Variants in TRAPPC9 observed in about 807,000 individuals in gnomAD.
TRAPPC9 encodes the protein trafficking protein particle complex subunit 9.
TRAPPC9 carries 83 observed loss-of-function variants against 124.0 expected under a neutral mutation model. The observed-to-expected ratio is 0.67, with a 90% CI of 0.56 to 0.80. The LOEUF (loss-of-function observed/expected upper bound fraction) is 0.80, where lower values mean the gene tolerates loss of function less well. TRAPPC9 is among the 30% of genes least tolerant of loss of function. The probability of loss-of-function intolerance (pLI) is 0.00; values close to 1 mark genes in which losing one functional copy is unlikely to be tolerated. For missense variants in TRAPPC9, 1,302 were observed against 1,508.3 expected (o/e 0.86, Z 2.27); for synonymous variants, 638 against 617.5 (o/e 1.03, Z -0.49).
intron 19 of TRAPPC9, among the ~76,000 whole-genome samples, chr8:139,956,452 C>T (rs986501136): frequency 8.5e-5 from 13 of 152,164 alleles, no homozygotes; most frequent in South Asian, 6.2e-4. Context: ...TGAGCCACCG[C>T]GCCCGGCCCA....
At chr8:140,153,936 C>T (rs991151646) in intron 17 of TRAPPC9, among the ~76,000 whole-genome samples, 8 of 152,116 alleles carry the variant, frequency 5.3e-5, no homozygotes, top group African/African-American at 1.7e-4. Context: ...TATGTGACAC[C>T]GTCTGCCTCA....
intron 19 of TRAPPC9, among the ~76,000 whole-genome samples, chr8:139,974,374 G>C (rs1157855567): frequency 6.6e-6 from 1 of 152,204 alleles, no homozygotes; most frequent in African/African-American, 2.4e-5. Context: ...TTCTTCCTGA[G>C]CTAACCCAAC....
chr8:140,269,063 G>T (rs1380326991), intron 15 of TRAPPC9, among the ~76,000 whole-genome samples: 4 of 152,038 alleles, frequency 2.6e-5, no homozygotes, highest in Non-Finnish European at 5.9e-5. Context: ...TCCTGATAAG[G>T]GTTTGCGTTA....
intron 21 of TRAPPC9, among the ~76,000 whole-genome samples, chr8:139,736,049 G>T (rs1818144281): frequency 6.6e-6 from 1 of 152,190 alleles, no homozygotes; most frequent in South Asian, 2.1e-4. Flanking sequence ...GACAACTGGT[G>T]CCCCCTCCAT....
At chr8:140,008,024 T>G (rs1276771047) in intron 18 of TRAPPC9, among the ~76,000 whole-genome samples, 1 of 152,148 alleles carries the variant, frequency 6.6e-6, no homozygotes, top group Admixed American at 6.5e-5. Flanking sequence ...TCAGTCCAGA[T>G]AGAATGTCAA....
intron 21 of TRAPPC9, among the ~76,000 whole-genome samples, chr8:139,778,453 A>G (rs1373624021): frequency 6.6e-6 from 1 of 152,230 alleles, no homozygotes; most frequent in Non-Finnish European, 1.5e-5. Flanking sequence ...ATGACTCACA[A>G]TGAGGAGTAA....
intron 19 of TRAPPC9, among the ~76,000 whole-genome samples, chr8:139,967,535 C>G (rs541480318): frequency 6.6e-6 from 1 of 152,274 alleles, no homozygotes; most frequent in African/African-American, 2.4e-5. Flanking sequence ...AAAGGGGGCT[C>G]CCAGTGGAGA....
At chr8:140,322,374 C>G (rs1265750506) in intron 9 of TRAPPC9, among the ~76,000 whole-genome samples, 1 of 152,172 alleles carries the variant, frequency 6.6e-6, no homozygotes, top group Non-Finnish European at 1.5e-5. Flanking sequence ...CAATGCCCCA[C>G]CCCCCTGGTG....
intron 9 of TRAPPC9, among the ~76,000 whole-genome samples, chr8:140,334,353 T>C (rs1255244011): frequency 6.6e-6 from 1 of 152,126 alleles, no homozygotes; most frequent in East Asian, 1.9e-4. Context: ...CAATGTGAAA[T>C]TAAATCAGTT....
intron 9 of TRAPPC9, among the ~76,000 whole-genome samples, chr8:140,323,519 G>C (rs1588150461): frequency 2.6e-5 from 4 of 152,210 alleles, no homozygotes; most frequent in Admixed American, 2.6e-4. Flanking sequence ...ACTATCTTCA[G>C]ATAGACGGTA....
At chr8:140,207,002 G>C (rs1314968679) in intron 17 of TRAPPC9, among the ~76,000 whole-genome samples, 1 of 152,076 alleles carries the variant, frequency 6.6e-6, no homozygotes, top group African/African-American at 2.4e-5. Context: ...AGTCTAGTGG[G>C]GTGACAGACA....
At chr8:140,152,152 C>T (rs1436514101) in intron 17 of TRAPPC9, among the ~76,000 whole-genome samples, 1 of 149,598 alleles carries the variant, frequency 6.7e-6, no homozygotes, top group East Asian at 2.0e-4. Context: ...AAAAAAGCCT[C>T]GGACAGCATA....
intron 19 of TRAPPC9, chr8:139,932,717 T>C (rs983911904): frequency 2.7e-6 from 1 of 366,302 alleles, no homozygotes; most frequent in Non-Finnish European, 5.4e-6. Context: ...TGAGCCGAGA[T>C]GGTACCTCTG....
chr8:140,438,938 C>T (rs2070914116), intron 3 of TRAPPC9, 114 bp downstream of exon 3: 1 of 1,353,462 alleles, frequency 7.4e-7, no homozygotes, highest in South Asian at 1.2e-5. Flanking sequence ...ATTTGGCCTG[C>T]CGTAGCCTCC....
chr8:140,242,759 T>A (rs1005662490), intron 16 of TRAPPC9, among the ~76,000 whole-genome samples: 4 of 152,186 alleles, frequency 2.6e-5, no homozygotes, highest in Non-Finnish European at 5.9e-5. Context: ...TAGCTGGGGA[T>A]GCAGCAGTGA....
intron 21 of TRAPPC9, among the ~76,000 whole-genome samples, chr8:139,848,688 C>T (rs1200904353): frequency 6.6e-6 from 1 of 152,076 alleles, no homozygotes; most frequent in Non-Finnish European, 1.5e-5. Context: ...GAAATAGAAG[C>T]CTATATACTT....
At chr8:140,033,689 T>TG in intron 17 of TRAPPC9, among the ~76,000 whole-genome samples, 1 of 111,428 alleles carries the variant, frequency 9.0e-6, no homozygotes, top group Non-Finnish European at 1.7e-5. Context: ...TTTTTTTTTT[T>TG]TTTTTTTTTT....
chr8:140,002,603 T>C (rs752710239), intron 18 of TRAPPC9, among the ~76,000 whole-genome samples: 12 of 151,954 alleles, frequency 7.9e-5, no homozygotes, highest in Admixed American at 2.0e-4. Flanking sequence ...ACTAACATAG[T>C]AGTAAAGACT....
intron 8 of TRAPPC9, among the ~76,000 whole-genome samples, chr8:140,362,069 C>A (rs935349191): frequency 9.9e-5 from 15 of 152,208 alleles, no homozygotes; most frequent in Non-Finnish European, 1.9e-4. Context: ...GTATTTTGCA[C>A]AAATTTCAGC....
Sources: gnomAD v4.1 joint callset for allele counts (sites outside exome capture counted in the v4.1 genomes callset) on GRCh38, gnomAD v4.1.1 for gene constraint, MANE v1.5 for transcripts, NCBI Gene and HGNC (gene_info 2026-07-23, HGNC 2026-07-21) for gene names.